The following LGALS1 variants were observed in gnomAD, a reference collection of about 807,000 sequenced individuals.
The protein encoded by LGALS1 is galectin-1.
A neutral mutation model predicts 14.4 loss-of-function variants in LGALS1; 14 were observed. The observed-to-expected ratio is 0.97, with a 90% CI of 0.64 to 1.52. The LOEUF is 1.52. Ranked by LOEUF, LGALS1 falls within the 40% of genes most tolerant of loss-of-function variation. The probability of loss-of-function intolerance (pLI) is 0.00; values close to 1 mark genes in which losing one functional copy is unlikely to be tolerated. For synonymous variants in LGALS1, 71 were observed against 73.4 expected, an observed-to-expected ratio of 0.97 and a Z score of 0.17; for missense variants, 170 against 181.4, an observed-to-expected ratio of 0.94 and a Z score of 0.36.
In LGALS1 at chr22:37,678,838, GA is replaced by G. The variant is rs887544326; in HGVS notation, c.261+193del. ...TGGTTGATTACAATAAAACGAAGGG[GA>G]AAAAAAAAGGCTGGGCTTGGTGGCT... On this transcript the variant is annotated intron_variant, in intron 3 of 3. Coordinates refer to ENST00000215909, the MANE Select transcript of LGALS1 (RefSeq NM_002305.4). Among the ~76,000 whole-genome samples, 4 of 151,008 alleles carry G rather than the reference GA, an allele frequency of 2.6e-5. No homozygotes were observed. In the South Asian group the frequency reaches 6.3e-4, roughly 24 times the overall value.
chr22:37,676,569 C>A (rs990488948), intron 1 of LGALS1, among the ~76,000 whole-genome samples: 1 of 152,078 alleles, frequency 6.6e-6, no homozygotes, highest in Non-Finnish European at 1.5e-5. Flanking sequence ...CCGCCCCTAG[C>A]CACTTCCTCT....
At chr22:37,676,225 C>CGGG (rs71195036) in intron 1 of LGALS1, 11 of 66,548 alleles carry the variant, frequency 1.7e-4, no homozygotes, top group Non-Finnish European at 4.5e-4. Flanking sequence ...AGGCTGGTGG[C>CGGG]GGGGGGGGCG....
chr22:37,678,237 G>A (rs572165374), intron 2 of LGALS1: 57 of 626,966 alleles, frequency 9.1e-5, no homozygotes, highest in South Asian at 3.6e-4. Flanking sequence ...TTGACCAAAC[G>A]GGCTAGGATG....
At chr22:37,675,817 C>A (rs1921404959) in intron 1 of LGALS1, 106 bp downstream of exon 1, 2 of 1,062,458 alleles carry the variant, frequency 1.9e-6, no homozygotes, top group East Asian at 3.0e-5. Context: ...GCTGTGTGGC[C>A]TGGAACCAGT....
At chr22:37,678,927 C>A (rs1215836709) in intron 3 of LGALS1, among the ~76,000 whole-genome samples, 1 of 152,058 alleles carries the variant, frequency 6.6e-6, no homozygotes, top group Non-Finnish European at 1.5e-5. Context: ...GTCGGGAGTT[C>A]GAGACCAGCC....
chr22:37,676,850 C>T (rs1233468667), intron 1 of LGALS1, 136 bp from the exon 2 acceptor site: 4 of 829,328 alleles, frequency 4.8e-6, no homozygotes, highest in Non-Finnish European at 4.1e-6. Context: ...TCAATCCTTT[C>T]CCCAGGCTTC....
intron 3 of LGALS1, 109 bp downstream of exon 3, chr22:37,678,763 T>A: frequency 9.1e-7 from 1 of 1,098,444 alleles, no homozygotes; most frequent in Non-Finnish European, 1.3e-6. Context: ...CCCCTCCCCT[T>A]CCCTCCCTTC....
rs905061089 is a variant in LGALS1, at chr22:37,675,727, C to G, written c.9+16C>G. The G allele has an allele frequency of 1.6e-5, 25 of 1,538,554 alleles. No homozygotes were observed. Among genetic ancestry groups the G allele is most frequent in the East Asian group, 9.9e-5 (4 of 40,262 alleles). On this transcript the variant is annotated intron_variant, in intron 1 of 3. Transcript: ENST00000215909. ...CATGGCTTGTGTGAGTGTGGGGACC[C>G]CCCCCCAAGGTCCAGGGGATAGGGC...
rs1601602962 is a variant in LGALS1, at chr22:37,679,772, A to G, written c.*23A>G. On this transcript the variant is annotated 3_prime_UTR_variant, in exon 4 of 4. Transcript: ENST00000215909. ...TGAAATCAGCCAGCCCATGGCCCCCAATAAAGGCAGCTGCCTCTGCTCCCT... is the reference window on the plus strand; with the variant it reads ...TGAAATCAGCCAGCCCATGGCCCCCGATAAAGGCAGCTGCCTCTGCTCCCT... 7.7e-6 allele frequency: 12 copies of G among 1,565,922 alleles called. No homozygotes were observed. The highest frequency in any genetic ancestry group is 1.0e-5 in the Non-Finnish European group (12 of 1,152,020).
chr22:37,676,024 C>A, intron 1 of LGALS1: 1 of 302,808 alleles, frequency 3.3e-6, no homozygotes, highest in Non-Finnish European at 6.1e-6. Flanking sequence ...TGGGGGACAC[C>A]CAGGCCACTA....
At position 37,679,131 on chromosome 22, in the gene LGALS1, C is replaced by CAAA. The variant is rs66507477; in HGVS notation, c.262-457_262-455dup. On this transcript the variant is annotated intron_variant, in intron 3 of 3. Coordinates refer to ENST00000215909, the MANE Select transcript of LGALS1 (RefSeq NM_002305.4). The stretch of plus-strand genomic sequence containing the variant: ...GGCCAACAAGAGCAAAACTCTGTCT[C>CAAA]AAAAAAAAAAAAAAAAATTAGCCAG... Among the ~76,000 whole-genome samples the CAAA allele has an allele frequency of 8.1e-3, 836 of 103,566 alleles. 14 individuals are homozygous for CAAA. Among genetic ancestry groups the CAAA allele is most frequent in the African/African-American group, 0.03 (787 of 26,524 alleles). 67.9% of individuals were successfully genotyped at this position (103,566 alleles called of 152,430 possible). A position where few individuals can be genotyped will look rare whatever the true frequency, so the allele number is the denominator to read the frequency against.
chr22:37,679,682 A>G lies in LGALS1; in HGVS notation c.341A>G (p.Asn114Ser). The G allele has an allele frequency of 6.2e-7, 1 of 1,610,756 alleles. No homozygotes were observed. Among genetic ancestry groups the G allele is most frequent in the Non-Finnish European group, 8.5e-7 (1 of 1,178,924 alleles). ...GAATTCAAGTTCCCCAACCGCCTCA[A>G]CCTGGAGGCCATCAACTACATGGCA... ...GYEFKFPNRLNLEAINYMAAD... is the reference protein window; with the variant it reads ...GYEFKFPNRLSLEAINYMAAD... Residue 114 changes from asparagine (N) to serine (S), a missense_variant, in exon 4 of 4, where the codon AAC becomes AGC. Asn to Ser is a conservative substitution (Grantham distance 46). Transcript: ENST00000215909.
Position 37,675,723 on chromosome 22 carries a change from GA to G in LGALS1, c.9+13del. The G allele has an allele frequency of 6.5e-7, 1 of 1,532,794 alleles. No homozygotes were observed. The highest frequency in any genetic ancestry group is 8.8e-7 in the Non-Finnish European group (1 of 1,138,588). The allele number at this position is 1,532,794 out of a possible 1,614,324, so 94.9% of individuals were successfully genotyped here. ...CAATCATGGCTTGTGTGAGTGTGGGGACCCCCCCCCAAGGTCCAGGGGATAG... is the reference window on the plus strand; with the variant it reads ...CAATCATGGCTTGTGTGAGTGTGGGGCCCCCCCCCAAGGTCCAGGGGATAG... On this transcript the variant is annotated intron_variant, in intron 1 of 3. Coordinates refer to ENST00000215909, the MANE Select transcript of LGALS1 (RefSeq NM_002305.4).
At chr22:37,678,846 A>G (rs1921532510) in intron 3 of LGALS1, among the ~76,000 whole-genome samples, 192 bp downstream of exon 3, 1 of 152,148 alleles carries the variant, frequency 6.6e-6, no homozygotes, top group Admixed American at 6.5e-5. Context: ...GGGAAAAAAA[A>G]AGGCTGGGCT....
intron 2 of LGALS1, chr22:37,677,270 G>C (rs548018683): frequency 3.4e-6 from 2 of 592,672 alleles, no homozygotes; most frequent in Non-Finnish European, 6.0e-6. Context: ...CCTCCCTGCT[G>C]TAGCCTCTTA....
In LGALS1 at chr22:37,675,639, T is replaced by G; in HGVS notation, c.-64T>G. On this transcript the variant is annotated 5_prime_UTR_variant, in exon 1 of 4. Coordinates refer to ENST00000215909, the MANE Select transcript of LGALS1 (RefSeq NM_002305.4). ...GGGTGGGAGCGTCCGGGGGCCCATCTCTCTCGGGTGGAGTCTTCTGACAGC... is the reference window on the plus strand; with the variant it reads ...GGGTGGGAGCGTCCGGGGGCCCATCGCTCTCGGGTGGAGTCTTCTGACAGC... 1 of 1,536,326 alleles carries G rather than the reference T, an allele frequency of 6.5e-7. No individual in the cohort carries two copies. The highest frequency in any genetic ancestry group is 8.8e-7 in the Non-Finnish European group (1 of 1,139,514).
intron 1 of LGALS1, among the ~76,000 whole-genome samples, chr22:37,676,407 T>G (rs1197396069): frequency 6.6e-6 from 1 of 152,190 alleles, no homozygotes; most frequent in Non-Finnish European, 1.5e-5. Context: ...GCCCAGCAGT[T>G]TGCTCAATCT....
intron 2 of LGALS1, 178 bp from the exon 3 acceptor site, chr22:37,678,305 C>A (rs1348440686): frequency 4.1e-6 from 3 of 736,690 alleles, no homozygotes; most frequent in Non-Finnish European, 7.4e-6. Context: ...TACAGATGAG[C>A]AAACAGGGGA....
chr22:37,676,982 G>A lies in LGALS1; in HGVS notation c.10-4G>A, dbSNP rs1293817663. ...CCCGGCTGGGCCGGGGCTTGTCTGT[G>A]CAGGGTCTGGTCGCCAGCAACCTGA... On this transcript the variant is annotated splice_region_variant and splice_polypyrimidine_tract_variant and intron_variant, in intron 1 of 3. Coordinates refer to ENST00000215909, the MANE Select transcript of LGALS1 (RefSeq NM_002305.4). The A allele has an allele frequency of 1.2e-6, 2 of 1,614,080 alleles. No homozygotes were observed. The highest frequency in any genetic ancestry group is 1.7e-5 in the Admixed American group (1 of 60,024).
Sources: allele counts gnomAD v4.1 joint callset (sites outside exome capture counted in the v4.1 genomes callset), GRCh38; gene constraint gnomAD v4.1.1; transcripts MANE v1.5; gene names NCBI Gene and HGNC (gene_info 2026-07-23, HGNC 2026-07-21).